TBXAS1: variants seen among roughly 807,000 people sequenced by gnomAD.
The protein encoded by TBXAS1 is thromboxane A synthase 1, also known as thromboxane-A synthase.
A neutral mutation model predicts 60.7 loss-of-function variants in TBXAS1; 48 were observed. The observed-to-expected ratio is 0.79, with a 90% CI of 0.63 to 1.01. TBXAS1 has a LOEUF of 1.01. Ranked by LOEUF, TBXAS1 falls within the 50% of genes least tolerant of loss-of-function variation. TBXAS1 has a pLI of 0.00. For synonymous variants in TBXAS1, 287 were observed against 269.7 expected (o/e 1.06, Z -0.63); for missense variants, 685 against 686.3 (o/e 1.00, Z 0.02).
chr7:139,852,935 TACACACACACACACACACAC>T lies in TBXAS1; in HGVS notation c.90-19264_90-19245del, dbSNP rs57545948. 0.03 allele frequency among the ~76,000 whole-genome samples: 3,837 copies of T among 127,486 alleles called. 63 individuals carry two copies. Among genetic ancestry groups the T allele is most frequent in the Non-Finnish European group, 0.047 (2,789 of 58,982 alleles). 83.6% of individuals were successfully genotyped at this position (127,486 alleles called of 152,430 possible). A position where few individuals can be genotyped will look rare whatever the true frequency, so the allele number is the denominator to read the frequency against. ...TGTGTACCAACCTTGGCTACTCCAA[TACACACACACACACACACAC>T]ACACACACACACACACACACACACA... is the stretch of plus-strand genomic sequence containing the variant. On this transcript the variant is annotated intron_variant, in intron 1 of 12. Transcript: ENST00000448866. This position sits in a 1 kb window ranked among gnomAD's most constrained non-coding sequence, Gnocchi z 4.4.
At chr7:139,816,027 G>T (rs1025356651) in intron 4 of TBXAS1, among the ~76,000 whole-genome samples, 1 of 152,142 alleles carries the variant, frequency 6.6e-6, no homozygotes, top group African/African-American at 2.4e-5. Context: ...TGATTGCATC[G>T]TGGGAGCAGT....
At chr7:139,873,080 A>G (rs1449248213) in intron 2 of TBXAS1, among the ~76,000 whole-genome samples, 3 of 152,168 alleles carry the variant, frequency 2.0e-5, no homozygotes, top group Non-Finnish European at 4.4e-5. Flanking sequence ...CAGGGCTAAA[A>G]TCATCCTAAG....
At position 139,911,267 on chromosome 7, in the gene TBXAS1, A is replaced by G; in HGVS notation, c.279A>G (p.Pro93=). ...GRRMFIVISE[P]DMIKQVLVEN... ...GGATGTTTATTGTTATTTCTGAGCC[A>G]GACATGATCAAGCAGGTGTTGGTTG... The change falls in exon 4 of 13, where the codon CCA becomes CCG. Residue 93 remains proline, a synonymous_variant. Coordinates refer to ENST00000448866, the MANE Select transcript of TBXAS1 (RefSeq NM_001061.7). 2 of 1,614,198 alleles carry G rather than the reference A, an allele frequency of 1.2e-6. No individual in the cohort carries two copies. The highest frequency in any genetic ancestry group is 1.7e-6 in the Non-Finnish European group (2 of 1,180,048).
intron 3 of TBXAS1, among the ~76,000 whole-genome samples, chr7:139,893,539 C>A (rs1284819206): frequency 6.6e-6 from 1 of 152,116 alleles, no homozygotes; most frequent in African/African-American, 2.4e-5. Context: ...ATAGGCTGTT[C>A]TTCATGTTTA....
intron 4 of TBXAS1, among the ~76,000 whole-genome samples, chr7:139,788,353 A>C (rs1370310773): frequency 6.6e-6 from 1 of 152,214 alleles, no homozygotes; most frequent in Non-Finnish European, 1.5e-5. Context: ...ACTTATTTTT[A>C]AAGTTCATTT....
At chr7:139,966,923 C>T (rs1015953213) in intron 9 of TBXAS1, among the ~76,000 whole-genome samples, 3 of 152,120 alleles carry the variant, frequency 2.0e-5, no homozygotes, top group East Asian at 1.9e-4. Context: ...GGCCTGTGAA[C>T]GGATCCCCAA....
chr7:140,005,195 G>A (rs183523543), intron 9 of TBXAS1, among the ~76,000 whole-genome samples: 27 of 152,318 alleles, frequency 1.8e-4, no homozygotes, highest in Admixed American at 6.5e-4. Flanking sequence ...TTGGAAGGCC[G>A]AGGCAGGCGG....
intron 4 of TBXAS1, among the ~76,000 whole-genome samples, chr7:139,796,606 C>G (rs1342539576): frequency 6.6e-6 from 1 of 152,178 alleles, no homozygotes; most frequent in Non-Finnish European, 1.5e-5. Flanking sequence ...ATGTACAACA[C>G]AAAGAGTGAA....
intron 4 of TBXAS1, among the ~76,000 whole-genome samples, chr7:139,796,704 T>A (rs1285008888): frequency 6.6e-6 from 1 of 152,210 alleles, no homozygotes; most frequent in Admixed American, 6.5e-5. Context: ...TAATGTAAGA[T>A]GTTAATGATA....
At chr7:139,797,908 T>C (rs896887845) in intron 4 of TBXAS1, among the ~76,000 whole-genome samples, 1 of 152,130 alleles carries the variant, frequency 6.6e-6, no homozygotes, top group Non-Finnish European at 1.5e-5. Context: ...TTATAAAAAT[T>C]ATGTTTTCCA....
At chr7:139,876,576 T>G (rs1410946466) in intron 3 of TBXAS1, among the ~76,000 whole-genome samples, 1 of 152,152 alleles carries the variant, frequency 6.6e-6, no homozygotes, top group Non-Finnish European at 1.5e-5. Flanking sequence ...CTCCATAGTA[T>G]TCATGATGTC....
At chr7:139,986,836 C>G (rs1250592951) in intron 9 of TBXAS1, among the ~76,000 whole-genome samples, 1 of 138,864 alleles carries the variant, frequency 7.2e-6, no homozygotes, top group Non-Finnish European at 1.5e-5. Context: ...TTTCTTTATC[C>G]ACTAGTTGAT....
At position 139,916,812 on chromosome 7, in the gene TBXAS1, C is replaced by A. The variant is rs370073378; in HGVS notation, c.333+5491C>A. On this transcript the variant is annotated intron_variant, in intron 4 of 12. Transcript: ENST00000448866. The surrounding 1 kb of genome is among the most constrained non-coding windows in gnomAD (Gnocchi z 4.2). ...AATTCAGGGCTACAGGTGAGTCAGA[C>A]GCCCTTGTGCGGGGGCCACAGGGAC... 7.0e-4 allele frequency among the ~76,000 whole-genome samples: 106 copies of A among 152,348 alleles called. 2 individuals carry two copies. The South Asian group carries it at 0.021, about 31-fold the overall frequency.
At chr7:139,882,774 G>A (rs141045347) in intron 3 of TBXAS1, among the ~76,000 whole-genome samples, 14 of 152,278 alleles carry the variant, frequency 9.2e-5, no homozygotes, top group East Asian at 1.9e-4. Context: ...TCATGAAAGC[G>A]TTGAAAGCAA....
intron 4 of TBXAS1, among the ~76,000 whole-genome samples, chr7:139,788,261 C>T (rs1484206470): frequency 1.3e-5 from 2 of 152,232 alleles, no homozygotes; most frequent in African/African-American, 4.8e-5. Context: ...GAGTCTGGAA[C>T]TCCAGGATAA....
At chr7:139,979,981 T>G (rs1309546236) in intron 9 of TBXAS1, among the ~76,000 whole-genome samples, 1 of 152,046 alleles carries the variant, frequency 6.6e-6, no homozygotes, top group Non-Finnish European at 1.5e-5. Flanking sequence ...CTCTATTTAT[T>G]CCGTCGCCTG....
At chr7:139,782,763 T>C (rs1187180531) in intron 3 of TBXAS1, 1 of 152,204 alleles carries the variant, frequency 6.6e-6, no homozygotes, top group Admixed American at 6.5e-5. Flanking sequence ...TCTTTTGATA[T>C]CACACCTCTC....
At chr7:139,798,526 T>C (rs929803677) in intron 4 of TBXAS1, among the ~76,000 whole-genome samples, 4 of 152,182 alleles carry the variant, frequency 2.6e-5, no homozygotes, top group Non-Finnish European at 4.4e-5. Flanking sequence ...TGAAAAATAG[T>C]GATCTGTGTC....
chr7:139,797,993 G>A (rs1207670874), intron 4 of TBXAS1, among the ~76,000 whole-genome samples: 1 of 152,228 alleles, frequency 6.6e-6, no homozygotes, highest in Non-Finnish European at 1.5e-5. Flanking sequence ...TGCTTAGCCT[G>A]GGGGTCGCCA....
Sources: allele counts gnomAD v4.1 joint callset (sites outside exome capture counted in the v4.1 genomes callset), GRCh38; gene constraint gnomAD v4.1.1; non-coding constraint Gnocchi (gnomAD v3.1); transcripts MANE v1.5; gene names NCBI Gene and HGNC (gene_info 2026-07-23, HGNC 2026-07-21).